Variants in HDAC4 observed in about 807,000 individuals in gnomAD.
HDAC4 encodes the protein histone deacetylase A.
HDAC4 carries 16 observed loss-of-function variants against 135.1 expected under a neutral mutation model. The ratio of observed to expected loss-of-function variants is 0.12; its 90% CI spans 0.08 to 0.18. HDAC4 has a LOEUF of 0.18. HDAC4 is among the 10% of genes least tolerant of loss of function. HDAC4 has a pLI of 1.00. For missense variants in HDAC4, 1,143 were observed against 1,511.8 expected, an observed-to-expected ratio of 0.76 and a Z score of 4.05; for synonymous variants, 685 against 653.4, an observed-to-expected ratio of 1.05 and a Z score of -0.74.
At chr2:239,116,721 T>C (rs1268112286) in intron 12 of HDAC4, among the ~76,000 whole-genome samples, 2 of 152,232 alleles carry the variant, frequency 1.3e-5, no homozygotes, top group Non-Finnish European at 2.9e-5. Context: ...CTCCATCGTG[T>C]GGCCATGTTG....
chr2:239,321,040 T>C (rs550077700), intron 2 of HDAC4, among the ~76,000 whole-genome samples: 6 of 152,218 alleles, frequency 3.9e-5, no homozygotes, highest in Admixed American at 2.6e-4. Context: ...CTACATAATG[T>C]ACTGTTATTT....
At chr2:239,282,596 C>A (rs536320867) in intron 2 of HDAC4, among the ~76,000 whole-genome samples, 4 of 150,514 alleles carry the variant, frequency 2.7e-5, no homozygotes, top group Admixed American at 2.0e-4. Flanking sequence ...AATGTACACA[C>A]CACTCTGCAA....
At chr2:239,361,728 C>T (rs1693883284) in intron 1 of HDAC4, among the ~76,000 whole-genome samples, 1 of 152,222 alleles carries the variant, frequency 6.6e-6, no homozygotes, top group Non-Finnish European at 1.5e-5. Context: ...CTTCTTTCTG[C>T]CCATTCCGTC....
At chr2:239,063,346 G>A (rs936530931) in intron 24 of HDAC4, among the ~76,000 whole-genome samples, 1 of 151,628 alleles carries the variant, frequency 6.6e-6, no homozygotes, top group Admixed American at 6.6e-5. Flanking sequence ...GACTACAGGC[G>A]CCCGCCACTG....
chr2:239,385,596 C>G (rs1260375972), intron 1 of HDAC4, among the ~76,000 whole-genome samples: 1 of 152,266 alleles, frequency 6.6e-6, no homozygotes, highest in African/African-American at 2.4e-5. Flanking sequence ...ACGTGCACAG[C>G]ACAGCCTACC....
chr2:239,391,749 A>ATCCACCAATCAGACCCT (rs1245492540), intron 1 of HDAC4, among the ~76,000 whole-genome samples: 1 of 152,198 alleles, frequency 6.6e-6, no homozygotes, highest in South Asian at 2.1e-4. Flanking sequence ...GAGAGAGCAC[A>ATCCACCAATCAGACCCT]TCCACCAATC....
chr2:239,264,273 G>A (rs993834272), intron 2 of HDAC4, among the ~76,000 whole-genome samples: 1 of 152,192 alleles, frequency 6.6e-6, no homozygotes, highest in Non-Finnish European at 1.5e-5. Context: ...GAGCAGATGC[G>A]CCTGCCAGGT....
intron 1 of HDAC4, among the ~76,000 whole-genome samples, chr2:239,380,525 C>A (rs1029809220): frequency 6.6e-6 from 1 of 152,118 alleles, no homozygotes; most frequent in African/African-American, 2.4e-5. Context: ...AGAAGAACCA[C>A]CTGCCTTTAA....
intron 14 of HDAC4, 63 bp downstream of exon 14, chr2:239,111,463 C>T: frequency 3.3e-6 from 5 of 1,492,784 alleles, no homozygotes; most frequent in Non-Finnish European, 4.6e-6. Flanking sequence ...GGGAAGAGCC[C>T]CCCGCGCTGT....
At chr2:239,061,196 TGTG>T (rs1223357010) in intron 24 of HDAC4, among the ~76,000 whole-genome samples, 3 of 151,946 alleles carry the variant, frequency 2.0e-5, no homozygotes, top group Non-Finnish European at 2.9e-5. Context: ...AGCATGTGCT[TGTG>T]GGGTATGTGT....
intron 5 of HDAC4, among the ~76,000 whole-genome samples, chr2:239,164,254 G>A (rs1333089416): frequency 6.6e-6 from 1 of 152,264 alleles, no homozygotes; most frequent in East Asian, 1.9e-4. Context: ...GGCAGTGGCA[G>A]CGTGGTGGTT....
chr2:239,219,515 T>C (rs1224433451), intron 3 of HDAC4, among the ~76,000 whole-genome samples: 1 of 151,970 alleles, frequency 6.6e-6, no homozygotes, highest in East Asian at 1.9e-4. Flanking sequence ...ATATACCTAA[T>C]GTAAATGACG....
intron 2 of HDAC4, among the ~76,000 whole-genome samples, chr2:239,277,579 A>T (rs1312079984): frequency 2.0e-5 from 3 of 152,130 alleles, no homozygotes; most frequent in African/African-American, 7.2e-5. Flanking sequence ...GCACTTCCAC[A>T]AGCTCACCGG....
chr2:239,122,256 A>G (rs911461207), intron 12 of HDAC4, among the ~76,000 whole-genome samples: 6 of 152,208 alleles, frequency 3.9e-5, no homozygotes, highest in Non-Finnish European at 7.3e-5. Context: ...AGAGTCCAGA[A>G]ACCATGGGAA....
intron 20 of HDAC4, among the ~76,000 whole-genome samples, chr2:239,082,465 G>A (rs1178130778): frequency 6.6e-6 from 1 of 152,206 alleles, no homozygotes; most frequent in Non-Finnish European, 1.5e-5. Flanking sequence ...TGTTTCCCTC[G>A]CCCTTAGCGC....
intron 11 of HDAC4, among the ~76,000 whole-genome samples, chr2:239,128,774 C>T (rs914050591): frequency 6.6e-6 from 1 of 152,098 alleles, no homozygotes; most frequent in Non-Finnish European, 1.5e-5. Flanking sequence ...GGGGTGGAGG[C>T]GGTGATGAGC....
chr2:239,285,036 T>G lies in HDAC4; in HGVS notation c.23-48372A>C, dbSNP rs1049174692. ...GAAGCCCAGAGACAAGTCGTCTAAA[T>G]GCATCCATCAGTCTACCAAGCCATC... On this transcript the variant is annotated intron_variant, in intron 2 of 26. Transcript: ENST00000543185. This position sits in a 1 kb window ranked among gnomAD's most constrained non-coding sequence, Gnocchi z 4.5. 6.6e-6 allele frequency among the ~76,000 whole-genome samples: 1 copy of G among 152,138 alleles called. No homozygotes were observed. Among genetic ancestry groups the G allele is most frequent in the South Asian group, 2.1e-4 (1 of 4,834 alleles).
At chr2:239,132,932 G>A (rs770270922) in intron 11 of HDAC4, among the ~76,000 whole-genome samples, 3 of 152,100 alleles carry the variant, frequency 2.0e-5, no homozygotes, top group African/African-American at 4.8e-5. Flanking sequence ...AGACTCAGAC[G>A]CAACCTCAGA....
chr2:239,082,502 C>A (rs3752756), intron 20 of HDAC4, among the ~76,000 whole-genome samples: 21 of 152,228 alleles, frequency 1.4e-4, no homozygotes, highest in Admixed American at 1.1e-3. Context: ...CTCCAGCAGC[C>A]GATGGGGCTG....
Sources: allele counts gnomAD v4.1 joint callset (sites outside exome capture counted in the v4.1 genomes callset), GRCh38; gene constraint gnomAD v4.1.1; non-coding constraint Gnocchi (gnomAD v3.1); transcripts MANE v1.5; gene names NCBI Gene and HGNC (gene_info 2026-07-23, HGNC 2026-07-21).